PARP15: variants seen among roughly 807,000 people sequenced by gnomAD.
The protein encoded by PARP15 is protein mono-ADP-ribosyltransferase PARP15.
A neutral mutation model predicts 62.1 loss-of-function variants in PARP15; 50 were observed. The ratio of observed to expected loss-of-function variants is 0.81; its 90% confidence interval spans 0.64 to 1.02. The LOEUF (loss-of-function observed/expected upper bound fraction) is 1.02, where lower values mean the gene tolerates loss of function less well. Among genes scored for constraint, PARP15 ranks in the 50% least tolerant of loss-of-function variants. The pLI, the probability that PARP15 is intolerant of heterozygous loss-of-function variation, is 0.00. For synonymous variants in PARP15, 309 were observed against 293.1 expected, an observed-to-expected ratio of 1.05 and a Z score of -0.55; for missense variants, 820 against 826.5, an observed-to-expected ratio of 0.99 and a Z score of 0.10.
chr3:122,629,669 A>G (rs1393573711), intron 9 of PARP15, among the ~76,000 whole-genome samples: 1 of 152,188 alleles, frequency 6.6e-6, no homozygotes, highest in African/African-American at 2.4e-5. Flanking sequence ...ATTGTAATAT[A>G]TTATGAAATA....
At chr3:122,613,981 G>T (rs1266516715) in intron 4 of PARP15, among the ~76,000 whole-genome samples, 12 of 151,968 alleles carry the variant, frequency 7.9e-5, no homozygotes, top group Non-Finnish European at 1.8e-4. Context: ...TAGTAGCTGG[G>T]ATTACAGGCA....
rs547734651 is a variant in PARP15, at chr3:122,617,068, G to A, written c.904G>A (p.Gly302Ser). The change falls in exon 6 of 12, where the codon GGT becomes AGT. Residue 302 changes from glycine (G) to serine (S), a missense_variant. Gly to Ser is a moderately conservative substitution (Grantham distance 56, BLOSUM62 0). Around this residue, in one of 3 missense-constraint regions of PARP15, gnomAD observed 731 missense variants for 727.7 expected, o/e 1.00. Transcript: ENST00000464300. ...PCFTAYEMKI[G>S]AITFQVATGD... ...TTTCACAGCATATGAAATGAAAATCGGTGCAATTACTTTTCAGGTTGCTAC... is the reference window on the plus strand; with the variant it reads ...TTTCACAGCATATGAAATGAAAATCAGTGCAATTACTTTTCAGGTTGCTAC... The A allele has an allele frequency of 9.3e-6, 15 of 1,614,090 alleles. No homozygotes were observed. The Middle Eastern group carries it at 4.9e-4, about 53-fold the overall frequency.
At chr3:122,589,038 T>C (rs1398635902) in intron 1 of PARP15, among the ~76,000 whole-genome samples, 1 of 152,202 alleles carries the variant, frequency 6.6e-6, no homozygotes, top group Non-Finnish European at 1.5e-5. Flanking sequence ...CCGTGAACAT[T>C]TGTTGTCTCA....
At chr3:122,609,709 A>AT (rs1206809260) in intron 2 of PARP15, among the ~76,000 whole-genome samples, 3 of 135,914 alleles carry the variant, frequency 2.2e-5, no homozygotes, top group African/African-American at 1.1e-4. Flanking sequence ...AAAAAAAAAA[A>AT]TTAAAAAAAA....
chr3:122,607,712 A>T (rs540560188), intron 2 of PARP15, among the ~76,000 whole-genome samples: 1 of 152,332 alleles, frequency 6.6e-6, no homozygotes, highest in South Asian at 2.1e-4. Context: ...GTCAACTCAT[A>T]TTGGGGTTTA....
At chr3:122,612,360 TTCTC>T (rs1208053150) in intron 3 of PARP15, among the ~76,000 whole-genome samples, 1 of 151,456 alleles carries the variant, frequency 6.6e-6, no homozygotes, top group African/African-American at 2.4e-5. Context: ...AGGCCCAATA[TTCTC>T]TCTCTTTTTT....
At chr3:122,603,659 G>T (rs1325996247) in intron 1 of PARP15, among the ~76,000 whole-genome samples, 2 of 152,078 alleles carry the variant, frequency 1.3e-5, no homozygotes, top group African/African-American at 4.8e-5. Context: ...GGTTCTTTTG[G>T]GAGGTTTTCT....
intron 1 of PARP15, among the ~76,000 whole-genome samples, chr3:122,587,722 C>G (rs1028076889): frequency 6.6e-6 from 1 of 152,020 alleles, no homozygotes; most frequent in Admixed American, 6.6e-5. Flanking sequence ...TGAGGTCTCA[C>G]TATATTGTCC....
rs1371103609 is a variant in PARP15, at chr3:122,606,046, G to A, written c.297G>A (p.Leu99=). The A allele has an allele frequency of 6.4e-6, 10 of 1,551,656 alleles. No homozygotes were observed. The South Asian group carries it at 9.5e-5, about 15-fold the overall frequency. The stretch of plus-strand genomic sequence containing the variant: ...TCAAGTTGATAAGTGGAGATGTTCT[G>A]TACATCTGGGTAGGTGATGCCATTT... The part of the protein sequence containing the change: ...LNLKLISGDV[L]YIWADVIVNS... The change falls in exon 2 of 12, where the codon CTG becomes CTA. Residue 99 remains leucine (L), a synonymous_variant. Coordinates refer to ENST00000464300, the MANE Select transcript of PARP15 (RefSeq NM_001113523.3).
Position 122,614,764 on chromosome 3 carries a change from C to T in PARP15, c.772-1015C>T, listed in dbSNP as rs145142377. Among the ~76,000 whole-genome samples, 625 of 152,214 alleles carry T rather than the reference C, an allele frequency of 4.1e-3. 3 individuals are homozygous for T. Among genetic ancestry groups the T allele is most frequent in the African/African-American group, 0.013 (552 of 41,542 alleles). On this transcript the variant is annotated intron_variant, in intron 4 of 11. Coordinates refer to ENST00000464300, the MANE Select transcript of PARP15 (RefSeq NM_001113523.3). Reference sequence around the variant, plus strand: ...AGAAACATGGACTGGTGCAGTGGCTCACGCCTATAATCCCAGCACTTTGGG... The same window carrying T: ...AGAAACATGGACTGGTGCAGTGGCTTACGCCTATAATCCCAGCACTTTGGG...
intron 1 of PARP15, among the ~76,000 whole-genome samples, chr3:122,593,090 G>GTCTATCCATCTATCTA (rs1934055098): frequency 6.8e-6 from 1 of 147,752 alleles, no homozygotes; most frequent in Non-Finnish European, 1.5e-5. Context: ...AAAATTATCT[G>GTCTATCCATCTATCTA]TCTATCTATC....
At chr3:122,584,940 G>T (rs1472258255) in intron 1 of PARP15, among the ~76,000 whole-genome samples, 1 of 152,040 alleles carries the variant, frequency 6.6e-6, no homozygotes, top group Non-Finnish European at 1.5e-5. Flanking sequence ...AGTTTTTTCA[G>T]TATTTTTGGA....
At chr3:122,631,987 C>G (rs1448315979) in intron 9 of PARP15, 99 bp from the exon 10 acceptor site, 1 of 1,335,642 alleles carries the variant, frequency 7.5e-7, no homozygotes, top group African/African-American at 1.5e-5. Flanking sequence ...CTTTAAAGAC[C>G]AGGTTTGGAT....
chr3:122,615,467 A>G (rs1935898613), intron 4 of PARP15: 4 of 1,227,576 alleles, frequency 3.3e-6, no homozygotes, highest in Non-Finnish European at 4.2e-6. Flanking sequence ...ATGGGGCTTC[A>G]AAAGAGGAGG....
At chr3:122,615,725 G>A in intron 4 of PARP15, 54 bp from the exon 5 acceptor site, 28 of 1,606,260 alleles carry the variant, frequency 1.7e-5, no homozygotes, top group Non-Finnish European at 2.4e-5. Flanking sequence ...CCAAAGAATT[G>A]GATTAATATT....
Position 122,616,997 on chromosome 3 carries a change from T to A in PARP15, c.851-18T>A, listed in dbSNP as rs773626790. ...AAGCTGAGCCAGCCCATTCTTTACCTATTTTCTTTCTTTTCAGGTGTGGTC... is the reference window on the plus strand; with the variant it reads ...AAGCTGAGCCAGCCCATTCTTTACCAATTTTCTTTCTTTTCAGGTGTGGTC... On this transcript the variant is annotated intron_variant, in intron 5 of 11. Transcript: ENST00000464300. 1.2e-5 allele frequency: 19 copies of A among 1,611,740 alleles called. No homozygotes were observed. The East Asian group carries it at 1.8e-4, about 15-fold the overall frequency.
intron 8 of PARP15, among the ~76,000 whole-genome samples, 185 bp downstream of exon 8, chr3:122,621,796 A>G (rs1010464323): frequency 6.6e-6 from 1 of 151,920 alleles, no homozygotes; most frequent in Admixed American, 6.6e-5. Context: ...TCTTTCCTCC[A>G]TCTTTCTTCT....
intron 2 of PARP15, among the ~76,000 whole-genome samples, 166 bp downstream of exon 2, chr3:122,606,221 C>CT (rs1185708268): frequency 1.3e-5 from 2 of 152,204 alleles, no homozygotes; most frequent in African/African-American, 4.8e-5. Flanking sequence ...CAGATATATA[C>CT]TTACCATCCC....
intron 1 of PARP15, among the ~76,000 whole-genome samples, chr3:122,582,689 C>T (rs1392331049): frequency 6.6e-6 from 1 of 152,004 alleles, no homozygotes; most frequent in Non-Finnish European, 1.5e-5. Context: ...TATTGTGCTT[C>T]TTGGTTTATA....
Sources: gnomAD v4.1 joint callset for allele counts (sites outside exome capture counted in the v4.1 genomes callset) on GRCh38, gnomAD v4.1.1 for gene constraint, gnomAD v4.1.1 regional missense constraint, MANE v1.5 for transcripts, NCBI Gene and HGNC (gene_info 2026-07-23, HGNC 2026-07-21) for gene names.